The following MYO3A variants were observed in gnomAD, a reference collection of about 807,000 sequenced individuals.
MYO3A encodes the protein myosin IIIA.
In MYO3A, 180 loss-of-function variants were observed where a neutral mutation model predicts 192.7. The observed-to-expected ratio is 0.93, with a 90% CI of 0.83 to 1.06. The LOEUF is 1.06. MYO3A is among the 50% of genes least tolerant of loss of function. The probability of loss-of-function intolerance (pLI) is 0.00; values close to 1 mark genes in which losing one functional copy is unlikely to be tolerated. For missense variants in MYO3A, 1,896 were observed against 1,905.0 expected (o/e 1.00, Z 0.09); for synonymous variants, 628 against 645.3 (o/e 0.97, Z 0.41).
In MYO3A at chr10:26,069,945, G is replaced by C. The variant is rs532988492; in HGVS notation, c.1171-166G>C. 3.3e-5 allele frequency among the ~76,000 whole-genome samples: 5 copies of C among 152,090 alleles called. No individual in the cohort carries two copies. In the East Asian group the frequency reaches 9.6e-4, roughly 29 times the overall value. On this transcript the variant is annotated intron_variant, in intron 12 of 34. Transcript: ENST00000642920. The stretch of plus-strand genomic sequence containing the variant: ...CTTATTTTACATAGTTATACATTTA[G>C]ATATATGTGCAATATGTGTGTAACA...
intron 4 of MYO3A, among the ~76,000 whole-genome samples, chr10:25,988,960 T>TTA (rs1554795792): frequency 1.1e-4 from 14 of 131,378 alleles, no homozygotes; most frequent in Admixed American, 2.3e-4. Flanking sequence ...TTTTTTTTTT[T>TTA]ACTTTTTTTT....
At chr10:25,966,849 G>A (rs1180295818) in intron 4 of MYO3A, among the ~76,000 whole-genome samples, 1 of 152,112 alleles carries the variant, frequency 6.6e-6, no homozygotes, top group Non-Finnish European at 1.5e-5. Flanking sequence ...ACATGCTGTT[G>A]TACCATAAAC....
rs1842463536 is a variant in MYO3A at position 26,024,737 on chromosome 10, T to G, written c.797+650T>G. On this transcript the variant is annotated intron_variant, in intron 9 of 34. Transcript: ENST00000642920. Reference sequence around the variant, plus strand: ...CCTTTGCTTATGGAGTTGTAGATGCTTCCACACAGATCCTCAATGGAACTT... The same window carrying G: ...CCTTTGCTTATGGAGTTGTAGATGCGTCCACACAGATCCTCAATGGAACTT... 2.0e-5 allele frequency among the ~76,000 whole-genome samples: 3 copies of G among 152,212 alleles called. 1 individual carries two copies.
At chr10:26,017,765 A>C (rs1251582210) in intron 7 of MYO3A, among the ~76,000 whole-genome samples, 1 of 151,206 alleles carries the variant, frequency 6.6e-6, no homozygotes, top group Non-Finnish European at 1.5e-5. Context: ...GGATTAAAAA[A>C]ATTTTTTTAC....
At chr10:26,029,096 C>T (rs1479681660) in intron 10 of MYO3A, among the ~76,000 whole-genome samples, 1 of 152,080 alleles carries the variant, frequency 6.6e-6, no homozygotes. Flanking sequence ...TTGAGAGACC[C>T]ATAAATAATT....
Position 26,125,472 on chromosome 10 carries a change from G to A in MYO3A, c.1978G>A (p.Glu660Lys). ...CTCCCACTGTGTGGTCACTAGAGGA[G>A]AAACAATTATACGACCCAATACTGT... ...LTSHCVVTRG[E>K]TIIRPNTVEK... is the part of the protein sequence containing the mutation. Residue 660 changes from glutamate to lysine, a missense_variant, in exon 19 of 35, where the codon GAA becomes AAA. Coordinates refer to ENST00000642920, the MANE Select transcript of MYO3A (RefSeq NM_017433.5). The A allele has an allele frequency of 6.2e-7, 1 of 1,614,068 alleles. No homozygotes were observed. The highest frequency in any genetic ancestry group is 8.5e-7 in the Non-Finnish European group (1 of 1,179,938).
At chr10:26,050,455 ATATG>A (rs1345664367) in intron 10 of MYO3A, among the ~76,000 whole-genome samples, 1 of 152,188 alleles carries the variant, frequency 6.6e-6, no homozygotes, top group East Asian at 1.9e-4. Flanking sequence ...ATACAGCTCT[ATATG>A]TTAAAGGGAC....
chr10:25,942,350 T>G (rs1836553873), intron 2 of MYO3A, among the ~76,000 whole-genome samples: 1 of 152,220 alleles, frequency 6.6e-6, no homozygotes, highest in South Asian at 2.1e-4. Context: ...CATCTGTCAG[T>G]GGACATGTAG....
In MYO3A at chr10:26,102,546, G is replaced by T. The variant is rs191625401; in HGVS notation, c.1776+5864G>T. Among the ~76,000 whole-genome samples, 5 of 152,212 alleles carry T rather than the reference G, an allele frequency of 3.3e-5. No homozygotes were observed. The East Asian group carries it at 9.6e-4, about 29-fold the overall frequency. The stretch of plus-strand genomic sequence containing the variant: ...ATCTTTGTGGTTTTATCTACCTTTG[G>T]TCTTTAATGATGGTGATGTACAGAT... On this transcript the variant is annotated intron_variant, in intron 17 of 34. Transcript: ENST00000642920.
chr10:26,125,521 A>T lies in MYO3A; in HGVS notation c.2027A>T (p.Asp676Val). ...GTAGAAAAAGCTACCGATGTCAGGG[A>T]TGCCATGGCTAAAACTTTATATGGA... ...NTVEKATDVR[D>V]AMAKTLYGRL... Residue 676 changes from aspartate (D) to valine (V), a missense_variant, in exon 19 of 35, where the codon GAT (aspartate) becomes GTT (valine). Physicochemically the swap from Asp to Val is radical, Grantham distance 152. Coordinates refer to ENST00000642920, the MANE Select transcript of MYO3A (RefSeq NM_017433.5). 6.2e-7 allele frequency: 1 copy of T among 1,614,076 alleles called. No individual in the cohort carries two copies. Among genetic ancestry groups the T allele is most frequent in the Non-Finnish European group, 8.5e-7 (1 of 1,179,938 alleles).
At chr10:26,065,647 A>G (rs1297713097) in intron 10 of MYO3A, among the ~76,000 whole-genome samples, 1 of 151,640 alleles carries the variant, frequency 6.6e-6, no homozygotes, top group Non-Finnish European at 1.5e-5. Flanking sequence ...TTTTACTATA[A>G]AGCAAAGAAA....
intron 10 of MYO3A, among the ~76,000 whole-genome samples, chr10:26,038,669 T>C (rs576282043): frequency 6.6e-6 from 1 of 152,308 alleles, no homozygotes; most frequent in South Asian, 2.1e-4. Flanking sequence ...CAATGTGGAC[T>C]CCCTTTATTT....
intron 26 of MYO3A, among the ~76,000 whole-genome samples, chr10:26,162,661 A>G (rs1841539317): frequency 6.6e-6 from 1 of 152,242 alleles, no homozygotes. Context: ...ATGCAGTTTT[A>G]TAGAAACAAT....
chr10:25,993,752 G>A (rs1398559441), intron 4 of MYO3A, among the ~76,000 whole-genome samples: 1 of 152,120 alleles, frequency 6.6e-6, no homozygotes, highest in East Asian at 1.9e-4. Context: ...CTTTATTTCT[G>A]CCTTCATTTC....
chr10:25,998,966 C>A (rs559404006), intron 6 of MYO3A, among the ~76,000 whole-genome samples: 1 of 152,136 alleles, frequency 6.6e-6, no homozygotes, highest in African/African-American at 2.4e-5. Context: ...GGCACGATCT[C>A]GGCTCACTGC....
chr10:26,139,224 A>G (rs1241786757), intron 20 of MYO3A, among the ~76,000 whole-genome samples: 1 of 152,112 alleles, frequency 6.6e-6, no homozygotes, highest in Non-Finnish European at 1.5e-5. Context: ...TTCCCCCATC[A>G]AAAATAGATT....
intron 14 of MYO3A, among the ~76,000 whole-genome samples, chr10:26,084,258 T>C (rs116272936): frequency 1.2e-3 from 184 of 152,374 alleles, no homozygotes; most frequent in African/African-American, 4.2e-3. Flanking sequence ...GATTTGCATA[T>C]GTTAAGCTAG....
At chr10:26,025,526 G>A (rs537630167) in intron 9 of MYO3A, among the ~76,000 whole-genome samples, 1 of 152,212 alleles carries the variant, frequency 6.6e-6, no homozygotes, top group Admixed American at 6.5e-5. Flanking sequence ...ATTTCCTAAT[G>A]CAGCTTATTC....
rs989452178 is a variant in MYO3A at position 26,096,442 on chromosome 10, C to T, written c.1624C>T (p.Leu542=). The T allele has an allele frequency of 6.2e-7, 1 of 1,613,774 alleles. No homozygotes were observed. Among genetic ancestry groups the T allele is most frequent in the Non-Finnish European group, 8.5e-7 (1 of 1,179,894 alleles). The change falls in exon 16 of 35, where the codon CTA becomes TTA. Residue 542 remains leucine, a synonymous_variant. Transcript: ENST00000642920. Reference sequence around the variant, plus strand: ...TGCTGGTTTGGCTGAAAAGAAGAAACTAGCCCATTACAAACTGCCTGAAAA... The same window carrying T: ...TGCTGGTTTGGCTGAAAAGAAGAAATTAGCCCATTACAAACTGCCTGAAAA... ...IYAGLAEKKK[L]AHYKLPENKP...
Sources: allele counts gnomAD v4.1 joint callset (sites outside exome capture counted in the v4.1 genomes callset), GRCh38; gene constraint gnomAD v4.1.1; transcripts MANE v1.5; gene names NCBI Gene and HGNC (gene_info 2026-07-23, HGNC 2026-07-21).